PPP2R5E: variants seen among roughly 807,000 people sequenced by gnomAD.
PPP2R5E encodes the protein protein phosphatase 2 regulatory subunit B'epsilon, also known as serine/threonine-protein phosphatase 2A 56 kDa regulatory subunit epsilon isoform.
In PPP2R5E, 4 loss-of-function variants were observed where a neutral mutation model predicts 65.3. The observed-to-expected ratio is 0.06, with a 90% CI of 0.03 to 0.14. The LOEUF is 0.14. Among genes scored for constraint, PPP2R5E ranks in the 10% least tolerant of loss-of-function variants. The probability of loss-of-function intolerance (pLI) is 1.00; values close to 1 mark genes in which losing one functional copy is unlikely to be tolerated. For missense variants in PPP2R5E, 274 were observed against 556.1 expected (o/e 0.49, Z 5.10); for synonymous variants, 183 against 187.4 (o/e 0.98, Z 0.19).
chr14:63,426,657 G>A (rs1887352183), intron 3 of PPP2R5E, among the ~76,000 whole-genome samples: 1 of 137,696 alleles, frequency 7.3e-6, no homozygotes, highest in Admixed American at 8.0e-5. Context: ...GCTGTCAAGC[G>A]AGAGTTAAGA....
chr14:63,411,480 G>T (rs1886383897), intron 5 of PPP2R5E, among the ~76,000 whole-genome samples: 1 of 151,716 alleles, frequency 6.6e-6, no homozygotes, highest in African/African-American at 2.4e-5. Context: ...ATATAGTTTG[G>T]TTTTTGTTCC....
intron 2 of PPP2R5E, among the ~76,000 whole-genome samples, chr14:63,520,880 A>C (rs988575676): frequency 7.5e-6 from 1 of 133,406 alleles, no homozygotes; most frequent in Non-Finnish European, 1.6e-5. Context: ...AAAAAAAAAA[A>C]AAAAAACAAT....
intron 2 of PPP2R5E, among the ~76,000 whole-genome samples, chr14:63,484,296 G>A (rs576426647): frequency 3.7e-4 from 55 of 147,414 alleles, no homozygotes; most frequent in Non-Finnish European, 7.8e-4. Flanking sequence ...GGAAACTGAA[G>A]GCATCAGAAT....
chr14:63,386,616 G>A (rs1441311584), intron 11 of PPP2R5E, among the ~76,000 whole-genome samples: 1 of 151,968 alleles, frequency 6.6e-6, no homozygotes, highest in Non-Finnish European at 1.5e-5. Context: ...GAAACAGAAG[G>A]GTGGCAGAAA....
At chr14:63,513,281 C>T (rs1396133262) in intron 2 of PPP2R5E, among the ~76,000 whole-genome samples, 1 of 152,176 alleles carries the variant, frequency 6.6e-6, no homozygotes, top group Admixed American at 6.5e-5. Flanking sequence ...TCAAAATACA[C>T]ACTGCATCGC....
intron 2 of PPP2R5E, among the ~76,000 whole-genome samples, chr14:63,507,407 A>G (rs1378471137): frequency 6.6e-6 from 1 of 152,080 alleles, no homozygotes; most frequent in Non-Finnish European, 1.5e-5. Flanking sequence ...TCCTTTTAGA[A>G]GCCATGAGAT....
In PPP2R5E at chr14:63,450,167, C is replaced by T. The variant is rs145879381; in HGVS notation, c.354+3522G>A. On this transcript the variant is annotated intron_variant, in intron 3 of 13. Transcript: ENST00000337537. ...CTAGGATTACAGGCGTGAGCCACCG[C>T]GCCCAGCGCCTTGTCTCTTTCTACT... Among the ~76,000 whole-genome samples the T allele has an allele frequency of 3.9e-3, 589 of 152,252 alleles. 4 individuals carry two copies. The highest frequency in any genetic ancestry group is 0.013 in the African/African-American group (545 of 41,546).
intron 2 of PPP2R5E, among the ~76,000 whole-genome samples, chr14:63,463,548 T>C (rs1889612375): frequency 6.6e-6 from 1 of 151,720 alleles, no homozygotes; most frequent in Non-Finnish European, 1.5e-5. Context: ...CCCTTATTAA[T>C]ATCCAGTAAG....
intron 1 of PPP2R5E, among the ~76,000 whole-genome samples, chr14:63,540,886 G>T (rs1893874015): frequency 6.6e-6 from 1 of 152,208 alleles, no homozygotes; most frequent in Admixed American, 6.5e-5. Context: ...TAGGCTTAAA[G>T]AAATCTATGC....
chr14:63,484,428 T>C (rs75094067), intron 2 of PPP2R5E, among the ~76,000 whole-genome samples: 7,709 of 151,694 alleles, frequency 0.051, 277 homozygotes, highest in Non-Finnish European at 0.076. Context: ...CAAGGACTTC[T>C]AAGCATTTCC....
chr14:63,491,525 T>C (rs1355699652), intron 2 of PPP2R5E, among the ~76,000 whole-genome samples: 2 of 152,164 alleles, frequency 1.3e-5, no homozygotes, highest in Non-Finnish European at 2.9e-5. Context: ...ATATTTTAGA[T>C]ATACTGAGTT....
intron 2 of PPP2R5E, among the ~76,000 whole-genome samples, chr14:63,487,147 G>A (rs1242220878): frequency 2.6e-5 from 4 of 152,100 alleles, no homozygotes; most frequent in Admixed American, 6.5e-5. Flanking sequence ...TCCTACCTTA[G>A]GAAGAATCTG....
intron 2 of PPP2R5E, among the ~76,000 whole-genome samples, chr14:63,524,114 A>G (rs774653147): frequency 2.6e-5 from 4 of 152,174 alleles, no homozygotes; most frequent in African/African-American, 9.7e-5. Context: ...CCAAGTCTCA[A>G]TTTGCTACAT....
At chr14:63,483,761 A>G (rs1001679669) in intron 2 of PPP2R5E, among the ~76,000 whole-genome samples, 2 of 152,104 alleles carry the variant, frequency 1.3e-5, no homozygotes, top group African/African-American at 4.8e-5. Flanking sequence ...CAGAGCCGAG[A>G]TGGGGGAAGG....
intron 2 of PPP2R5E, among the ~76,000 whole-genome samples, chr14:63,502,674 T>G (rs1248000366): frequency 6.6e-6 from 1 of 150,862 alleles, no homozygotes; most frequent in Non-Finnish European, 1.5e-5. Context: ...CTCAAAAAAA[T>G]AAAAAAGAAA....
intron 12 of PPP2R5E, among the ~76,000 whole-genome samples, chr14:63,384,206 A>G (rs746928955): frequency 9.2e-5 from 14 of 152,134 alleles, no homozygotes; most frequent in Non-Finnish European, 1.9e-4. Flanking sequence ...GCCTCCCCAA[A>G]AGATCTGCTA....
At chr14:63,534,577 T>A (rs996608933) in intron 2 of PPP2R5E, among the ~76,000 whole-genome samples, 1 of 152,174 alleles carries the variant, frequency 6.6e-6, no homozygotes, top group Non-Finnish European at 1.5e-5. Context: ...TCTACTAGGT[T>A]TTCCCTATCA....
intron 13 of PPP2R5E, among the ~76,000 whole-genome samples, chr14:63,381,605 TTAA>T (rs889599968): frequency 6.6e-6 from 1 of 152,306 alleles, no homozygotes. Context: ...AAAGACACAG[TTAA>T]TAAGTGTGCA....
At chr14:63,398,348 C>G (rs141084806) in intron 5 of PPP2R5E, among the ~76,000 whole-genome samples, 9 of 152,244 alleles carry the variant, frequency 5.9e-5, no homozygotes, top group African/African-American at 1.9e-4. Flanking sequence ...AAAACTTAGT[C>G]CAAAATACCA....
Sources: allele counts gnomAD v4.1 joint callset (sites outside exome capture counted in the v4.1 genomes callset), GRCh38; gene constraint gnomAD v4.1.1; transcripts MANE v1.5; gene names NCBI Gene and HGNC (gene_info 2026-07-23, HGNC 2026-07-21).